The following PARP1 variants were observed in gnomAD, a reference collection of about 807,000 sequenced individuals.
PARP1 encodes the protein poly [ADP-ribose] polymerase 1.
Under a neutral mutation model 118.7 loss-of-function variants are expected in PARP1, and 44 were observed. The ratio of observed to expected loss-of-function variants is 0.37; its 90% CI spans 0.29 to 0.48. The LOEUF is 0.48. PARP1 is among the 20% of genes least tolerant of loss of function. The pLI, the probability that PARP1 is intolerant of heterozygous loss-of-function variation, is 0.99. For synonymous variants in PARP1, 492 were observed against 483.2 expected, an observed-to-expected ratio of 1.02 and a Z score of -0.24; for missense variants, 1,100 against 1,272.4, an observed-to-expected ratio of 0.86 and a Z score of 2.06.
rs781263314 is a variant in PARP1 at position 226,402,337 on chromosome 1, A to T, written c.163T>A (p.Ser55Thr). Residue 55 changes from serine (S) to threonine (T), a missense_variant, in exon 2 of 23, where the codon TCC (serine) becomes ACC (threonine). Transcript: ENST00000366794. The part of the protein sequence containing the change: ...DGKVPHWYHF[S>T]CFWKVGHSIR... Reference sequence around the variant, plus strand: ...GAGTGGCCCACCTTCCAGAAGCAGGAGAAGTGGTACCAGTGTGGGACTTTT... The same window carrying T: ...GAGTGGCCCACCTTCCAGAAGCAGGTGAAGTGGTACCAGTGTGGGACTTTT... 1 of 1,613,964 alleles carries T rather than the reference A, an allele frequency of 6.2e-7. No individual in the cohort carries two copies. Among genetic ancestry groups the T allele is most frequent in the Admixed American group, 1.7e-5 (1 of 60,032 alleles).
rs1173741700 is a variant in PARP1 at position 226,368,291 on chromosome 1, T to C, written c.2185A>G (p.Ile729Val). 3 of 1,614,006 alleles carry C rather than the reference T, an allele frequency of 1.9e-6. No homozygotes were observed. The highest frequency in any genetic ancestry group is 2.5e-6 in the Non-Finnish European group (3 of 1,180,026). The change falls in exon 16 of 23, where the codon ATC becomes GTC. Residue 729 changes from isoleucine to valine, a missense_variant. Around this residue, in one of 2 missense-constraint regions of PARP1, gnomAD observed 948 missense variants for 1,031.8 expected, o/e 0.92. Coordinates refer to ENST00000366794, the MANE Select transcript of PARP1 (RefSeq NM_001618.4). Reference protein sequence around the residue: ...AVSQGSSDSQILDLSNRFYTL... With the variant: ...AVSQGSSDSQVLDLSNRFYTL... Reference sequence around the variant, plus strand: ...TAAAAGCGATTTGAGAGATCCAGGATCTGAGAGTCGCTGCTGCCCTGAGAC... The same window carrying C: ...TAAAAGCGATTTGAGAGATCCAGGACCTGAGAGTCGCTGCTGCCCTGAGAC...
intron 8 of PARP1, 68 bp downstream of exon 8, chr1:226,382,968 C>T (rs1664646830): frequency 7.1e-6 from 11 of 1,548,588 alleles, no homozygotes; most frequent in Non-Finnish European, 9.8e-6. Flanking sequence ...CAGCTCCACA[C>T]CACCAGCAAG....
chr1:226,368,122 T>C (rs1332482172), intron 16 of PARP1, 77 bp downstream of exon 16: 11 of 1,591,954 alleles, frequency 6.9e-6, no homozygotes, highest in Non-Finnish European at 8.6e-6. Flanking sequence ...TCAGGGATCA[T>C]GATGGGGAGG....
intron 1 of PARP1, 129 bp downstream of exon 1, chr1:226,407,681 T>C (rs575687475): frequency 1.7e-5 from 15 of 899,656 alleles, no homozygotes; most frequent in African/African-American, 1.5e-4. Context: ...CGCGGCCCCA[T>C]AGGCCCCAAG....
intron 19 of PARP1, among the ~76,000 whole-genome samples, chr1:226,364,744 G>A (rs1369422142): frequency 5.3e-5 from 8 of 152,244 alleles, no homozygotes; most frequent in Admixed American, 3.3e-4. Context: ...CTGTAGCCAC[G>A]TGTCTGTTCT....
At position 226,377,117 on chromosome 1, in the gene PARP1, G is replaced by A; in HGVS notation, c.1932C>T (p.Asp644=). Residue 644 remains aspartate (D), a synonymous_variant, in exon 13 of 23, where the codon GAC becomes GAT. Coordinates refer to ENST00000366794, the MANE Select transcript of PARP1 (RefSeq NM_001618.4). ...GGCATTATGTGGTTACCTGGCCATA[G>A]TCAATCTCCAGGGGGTAGAACTTTT... ...YPKKFYPLEI[D]YGQDEEAVKK... 6.2e-7 allele frequency: 1 copy of A among 1,613,634 alleles called. No homozygotes were observed. The highest frequency in any genetic ancestry group is 1.3e-5 in the African/African-American group (1 of 75,022).
chr1:226,379,754 T>C lies in PARP1; in HGVS notation c.1544-113A>G, dbSNP rs1205660416. ...TCCCATCATCTGTCAACTCGGCATC[T>C]ATATACACACTACTCCCGCCACCCC... is the stretch of plus-strand genomic sequence containing the variant. On this transcript the variant is annotated intron_variant, in intron 10 of 22. Transcript: ENST00000366794. 4 of 1,317,328 alleles carry C rather than the reference T, an allele frequency of 3.0e-6. No homozygotes were observed. In the East Asian group the frequency reaches 9.2e-5, roughly 30 times the overall value. The allele number at this position is 1,317,328 out of a possible 1,614,324, so 81.6% of individuals were successfully genotyped here. A position where few individuals can be genotyped will look rare whatever the true frequency, so the allele number is the denominator to read the frequency against.
At chr1:226,379,042 C>T in intron 12 of PARP1, 100 bp downstream of exon 12, 1 of 1,394,540 alleles carries the variant, frequency 7.2e-7, no homozygotes, top group Non-Finnish European at 1.0e-6. Flanking sequence ...ATTCCCCAGG[C>T]ACTGGGCCTA....
intron 2 of PARP1, 44 bp from the exon 3 acceptor site, chr1:226,392,358 A>G (rs9282583): frequency 1.4e-6 from 2 of 1,416,688 alleles, no homozygotes; most frequent in Admixed American, 1.7e-5. Flanking sequence ...AACAGCCCCA[A>G]AATGCAGCTC....
At chr1:226,396,135 C>G (rs1664912009) in intron 2 of PARP1, among the ~76,000 whole-genome samples, 1 of 152,174 alleles carries the variant, frequency 6.6e-6, no homozygotes, top group Non-Finnish European at 1.5e-5. Context: ...CACCTGAGGT[C>G]AGGAGTTCAA....
intron 1 of PARP1, among the ~76,000 whole-genome samples, chr1:226,407,393 CAT>C (rs899424329): frequency 3.7e-4 from 55 of 148,400 alleles, no homozygotes; most frequent in African/African-American, 1.0e-3. Context: ...AAAAAACCCA[CAT>C]GTCAGTCGCC....
intron 5 of PARP1, among the ~76,000 whole-genome samples, chr1:226,387,694 G>T (rs572171751): frequency 1.3e-5 from 2 of 152,250 alleles, no homozygotes; most frequent in African/African-American, 2.4e-5. Context: ...GTGACCAAGG[G>T]GGGAGAGCCA....
rs750067055 is a variant in PARP1 at position 226,390,502 on chromosome 1, C to G, written c.525G>C (p.Glu175Asp). ...AGCCCTTGAGCTGACTCGCACTGTACTCGGGCCGGAAACCCAGCTCCTCCC... is the reference window on the plus strand; with the variant it reads ...AGCCCTTGAGCTGACTCGCACTGTAGTCGGGCCGGAAACCCAGCTCCTCCC... ...KNREELGFRPEYSASQLKGFS... is the reference protein window; with the variant it reads ...KNREELGFRPDYSASQLKGFS... The change falls in exon 4 of 23, where the codon GAG becomes GAC. Residue 175 changes from glutamate (E) to aspartate (D), a missense_variant. This residue lies in a region of PARP1 where 948 missense variants were observed against 1,031.8 expected (regional missense o/e 0.92). Coordinates refer to ENST00000366794, the MANE Select transcript of PARP1 (RefSeq NM_001618.4). 1 of 1,614,198 alleles carries G rather than the reference C, an allele frequency of 6.2e-7. No homozygotes were observed. The highest frequency in any genetic ancestry group is 1.1e-5 in the South Asian group (1 of 91,086).
intron 14 of PARP1, 69 bp from the exon 15 acceptor site, chr1:226,370,586 G>A (rs547505335): frequency 1.4e-4 from 183 of 1,297,760 alleles, no homozygotes; most frequent in Non-Finnish European, 1.8e-4. Flanking sequence ...GAGCTGGACC[G>A]GGCAGCCCAC....
intron 18 of PARP1, among the ~76,000 whole-genome samples, 161 bp downstream of exon 18, chr1:226,365,793 C>CAAAAAAAAA (rs11378196): frequency 1.4e-5 from 2 of 147,006 alleles, no homozygotes; most frequent in African/African-American, 5.0e-5. Flanking sequence ...AACAAACAAA[C>CAAAAAAAAA]AAAAAAAAAA....
chr1:226,384,971 A>G (rs1664687831), intron 7 of PARP1, among the ~76,000 whole-genome samples: 1 of 152,200 alleles, frequency 6.6e-6, no homozygotes, highest in South Asian at 2.1e-4. Flanking sequence ...CCAGCCCCAC[A>G]AAGATACTGC....
intron 14 of PARP1, chr1:226,370,871 C>T (rs998146355): frequency 1.3e-5 from 4 of 302,516 alleles, no homozygotes; most frequent in Non-Finnish European, 2.6e-5. Flanking sequence ...TGCTGACCAC[C>T]CCACCCAGCG....
At chr1:226,387,606 G>A (rs1223773169) in intron 5 of PARP1, among the ~76,000 whole-genome samples, 6 of 152,184 alleles carry the variant, frequency 3.9e-5, no homozygotes, top group Admixed American at 2.6e-4. Context: ...TGGGACACCA[G>A]GAATGGAGAC....
At chr1:226,376,955 T>C (rs1664499838) in intron 13 of PARP1, among the ~76,000 whole-genome samples, 153 bp downstream of exon 13, 1 of 152,184 alleles carries the variant, frequency 6.6e-6, no homozygotes, top group Non-Finnish European at 1.5e-5. Flanking sequence ...TCTTCTATTT[T>C]TGGGGGAGAA....
Sources: allele counts gnomAD v4.1 joint callset (sites outside exome capture counted in the v4.1 genomes callset), GRCh38; gene constraint gnomAD v4.1.1; regional missense constraint gnomAD v4.1.1; transcripts MANE v1.5; gene names NCBI Gene and HGNC (gene_info 2026-07-23, HGNC 2026-07-21).